The following LRRC4B variants were observed in gnomAD, a reference collection of about 807,000 sequenced individuals.
LRRC4B encodes the protein leucine-rich repeat-containing protein 4B.
A neutral mutation model predicts 7.3 loss-of-function variants in LRRC4B; 1 was observed. The observed-to-expected ratio is 0.14, with a 90% CI of 0.05 to 0.65. The LOEUF (loss-of-function observed/expected upper bound fraction) is 0.65. Ranked by LOEUF, LRRC4B falls within the 30% of genes least tolerant of loss-of-function variation. The probability of loss-of-function intolerance (pLI) is 0.84; values close to 1 mark genes in which losing one functional copy is unlikely to be tolerated. For synonymous variants in LRRC4B, 500 were observed against 499.2 expected (o/e 1.00, Z -0.02); for missense variants, 730 against 1,041.6 (o/e 0.70, Z 4.12).
At position 50,545,435 on chromosome 19, in the gene LRRC4B, G is replaced by C. The variant is rs542077727; in HGVS notation, c.297+3107C>G. Among the ~76,000 whole-genome samples, 3 of 141,188 alleles carry C rather than the reference G, an allele frequency of 2.1e-5. No individual in the cohort carries two copies. In the East Asian group the frequency reaches 6.1e-4, roughly 29 times the overall value. 92.6% of individuals were successfully genotyped at this position (141,188 alleles called of 152,430 possible). ...AAAAAAAAAAAAAAAAAAAGAATTA[G>C]CTGGGTGTGATGGTGTCTCCCAGTA... On this transcript the variant is annotated intron_variant, in intron 2 of 2. Transcript: ENST00000652263.
intron 1 of LRRC4B, among the ~76,000 whole-genome samples, chr19:50,564,787 T>C (rs1982572916): frequency 6.6e-6 from 1 of 151,862 alleles, no homozygotes; most frequent in South Asian, 2.1e-4. Flanking sequence ...GCAGGTGTCC[T>C]AGCAGGTGAG....
chr19:50,558,248 TAC>T (rs1288892543), intron 1 of LRRC4B, among the ~76,000 whole-genome samples: 16 of 149,442 alleles, frequency 1.1e-4, no homozygotes, highest in South Asian at 4.3e-4. Context: ...CATACATACA[TAC>T]ACACACACAC....
chr19:50,531,417 C>A (rs754241906), intron 2 of LRRC4B, among the ~76,000 whole-genome samples: 3 of 152,152 alleles, frequency 2.0e-5, no homozygotes, highest in Non-Finnish European at 4.4e-5. Flanking sequence ...CTGCTCGGCG[C>A]TCAGCACGCA....
chr19:50,518,706 C>G lies in LRRC4B; in HGVS notation c.1007G>C (p.Cys336Ser). Residue 336 changes from cysteine to serine, a missense_variant, in exon 3 of 3, where the codon TGC becomes TCC. Physicochemically the swap from Cys to Ser is moderately radical, Grantham distance 112 (BLOSUM62 -1). Transcript: ENST00000652263. The stretch of plus-strand genomic sequence containing the variant: ...GGCGGGCGCATGACAGCGGGCGCAG[C>G]ACGTCGTGTTGCTGGGCACCGTCTC... ...LKETVPSNTT[C>S]CARCHAPAGL... 1 of 1,613,894 alleles carries G rather than the reference C, an allele frequency of 6.2e-7. No individual in the cohort carries two copies. The highest frequency in any genetic ancestry group is 8.5e-7 in the Non-Finnish European group (1 of 1,179,934).
intron 1 of LRRC4B, among the ~76,000 whole-genome samples, chr19:50,560,860 G>A (rs185348680): frequency 3.9e-5 from 6 of 151,916 alleles, no homozygotes; most frequent in Admixed American, 1.3e-4. Flanking sequence ...AGGCCGAGAC[G>A]GGCGGATCGC....
rs1438320652 is a variant in LRRC4B at position 50,537,969 on chromosome 19, G to A, written c.297+10573C>T. Among the ~76,000 whole-genome samples the A allele has an allele frequency of 6.6e-6, 1 of 152,200 alleles. No homozygotes were observed. The highest frequency in any genetic ancestry group is 1.5e-5 in the Non-Finnish European group (1 of 68,026). On this transcript the variant is annotated intron_variant, in intron 2 of 2. Transcript: ENST00000652263. The surrounding 1 kb of genome is among the most constrained non-coding windows in gnomAD (Gnocchi z 5.5). ...CCTCCTGGCTGCTGGTCGCAGGCCC[G>A]CGGCTGGGGAATGTCCCAGTTGACC...
intron 1 of LRRC4B, among the ~76,000 whole-genome samples, chr19:50,549,542 G>A (rs1981964435): frequency 1.3e-5 from 2 of 152,206 alleles, no homozygotes; most frequent in Non-Finnish European, 2.9e-5. Flanking sequence ...GGCCCTGTGG[G>A]GGCCTCACAG....
At position 50,565,196 on chromosome 19, in the gene LRRC4B, G is replaced by C. The variant is rs542756182; in HGVS notation, c.-36+2748C>G. 2.0e-5 allele frequency among the ~76,000 whole-genome samples: 3 copies of C among 152,288 alleles called. No individual in the cohort carries two copies. In the South Asian group the frequency reaches 6.2e-4, roughly 32 times the overall value. ...CTCGGTTTGGTGTGTGCGCCACAGT[G>C]CACAGCTCTGTGACTGTCTTAGCGG... On this transcript the variant is annotated intron_variant, in intron 1 of 2. Coordinates refer to ENST00000652263, the MANE Select transcript of LRRC4B (RefSeq NM_001080457.2).
chr19:50,539,023 G>A (rs1205484934), intron 2 of LRRC4B, among the ~76,000 whole-genome samples: 3 of 151,864 alleles, frequency 2.0e-5, no homozygotes, highest in Non-Finnish European at 2.9e-5. Flanking sequence ...AAGTAGCCAG[G>A]TGCCCGCCAC....
At chr19:50,538,046 T>TTTTC (rs765570627) in intron 2 of LRRC4B, among the ~76,000 whole-genome samples, 5 of 152,108 alleles carry the variant, frequency 3.3e-5, no homozygotes, top group African/African-American at 1.2e-4. Flanking sequence ...CCTTCCGCCA[T>TTTTC]TTTCTTTCTT....
At chr19:50,527,992 C>T (rs947541902) in intron 2 of LRRC4B, among the ~76,000 whole-genome samples, 17 of 152,080 alleles carry the variant, frequency 1.1e-4, no homozygotes, top group Non-Finnish European at 1.3e-4. Flanking sequence ...CTGCCTGCCT[C>T]GGCCTCCCAA....
At chr19:50,547,007 T>G (rs1981844109) in intron 2 of LRRC4B, among the ~76,000 whole-genome samples, 1 of 152,220 alleles carries the variant, frequency 6.6e-6, no homozygotes, top group African/African-American at 2.4e-5. Context: ...GAGCCGGTGC[T>G]GCCGGTGTCT....
In LRRC4B at chr19:50,564,469, C is replaced by T. The variant is rs1183650175; in HGVS notation, c.-36+3475G>A. On this transcript the variant is annotated intron_variant, in intron 1 of 2. Transcript: ENST00000652263. ...CACAGAGGGACAAAGAAGGGAGGCA[C>T]AGAGAGCGGTGTCGAGCAGAGACAG... Among the ~76,000 whole-genome samples the T allele has an allele frequency of 2.0e-5, 3 of 151,762 alleles. No homozygotes were observed. The East Asian group carries it at 5.8e-4, about 29-fold the overall frequency.
At chr19:50,544,022 A>G (rs1289741147) in intron 2 of LRRC4B, among the ~76,000 whole-genome samples, 1 of 151,912 alleles carries the variant, frequency 6.6e-6, no homozygotes, top group African/African-American at 2.4e-5. Flanking sequence ...CCTGCCCAAC[A>G]TGGTGAAACC....
Position 50,548,821 on chromosome 19 carries a change from G to A in LRRC4B, c.18C>T (p.Gly6=), listed in dbSNP as rs577604923. The stretch of plus-strand genomic sequence containing the variant: ...CGGGCGGCAGCGGGGGGCACGGGGA[G>A]CCGCGGGCACGCGCCATCCTCAATG... MARAR[G]SPCPPLPPGR... Residue 6 remains glycine, a synonymous_variant, in exon 2 of 3, where the codon GGC becomes GGT. Transcript: ENST00000652263. The surrounding 1 kb of genome is among the most constrained non-coding windows in gnomAD (Gnocchi z 6.8). The A allele has an allele frequency of 2.9e-4, 438 of 1,494,862 alleles. 5 individuals carry two copies. The South Asian group carries it at 5.3e-3, about 18-fold the overall frequency. 92.6% of individuals were successfully genotyped at this position (1,494,862 alleles called of 1,614,324 possible).
At chr19:50,526,001 CAA>C (rs1486243145) in intron 2 of LRRC4B, among the ~76,000 whole-genome samples, 4 of 152,260 alleles carry the variant, frequency 2.6e-5, no homozygotes, top group East Asian at 1.9e-4. Context: ...GCCTGGGTAA[CAA>C]GAGAGAAACT....
rs1461058463 is a variant in LRRC4B, at chr19:50,518,585, G to A, written c.1128C>T (p.Thr376=). The change falls in exon 3 of 3, where the codon ACC becomes ACT. Residue 376 remains threonine, a synonymous_variant. Transcript: ENST00000652263. ...IVEPPTDLNV[T]EGMAAELKCR... is the part of the protein sequence containing the mutation. Reference sequence around the variant, plus strand: ...ATTTGAGCTCGGCAGCCATGCCCTCGGTGACGTTGAGGTCCGTGGGCGGCT... The same window carrying A: ...ATTTGAGCTCGGCAGCCATGCCCTCAGTGACGTTGAGGTCCGTGGGCGGCT... The A allele has an allele frequency of 1.9e-6, 3 of 1,595,398 alleles. No homozygotes were observed. Among genetic ancestry groups the A allele is most frequent in the South Asian group, 1.1e-5 (1 of 88,582 alleles).
At chr19:50,560,738 G>A (rs941847818) in intron 1 of LRRC4B, among the ~76,000 whole-genome samples, 1 of 152,186 alleles carries the variant, frequency 6.6e-6, no homozygotes, top group East Asian at 1.9e-4. Context: ...GCTTGTTGGG[G>A]TTCCTGGAGA....
intron 2 of LRRC4B, among the ~76,000 whole-genome samples, chr19:50,533,059 AT>A (rs1438701995): frequency 6.6e-6 from 1 of 151,988 alleles, no homozygotes; most frequent in Non-Finnish European, 1.5e-5. Context: ...GTTTGTCATC[AT>A]TTTTACTTTC....
Sources: gnomAD v4.1 joint callset for allele counts (sites outside exome capture counted in the v4.1 genomes callset) on GRCh38, gnomAD v4.1.1 for gene constraint, Gnocchi (gnomAD v3.1) non-coding constraint, MANE v1.5 for transcripts, NCBI Gene and HGNC (gene_info 2026-07-23, HGNC 2026-07-21) for gene names.